SPECC1L: variants seen among roughly 807,000 people sequenced by gnomAD.
SPECC1L encodes cytospin-A.
A neutral mutation model predicts 116.8 loss-of-function variants in SPECC1L; 40 were observed. That is an observed-to-expected ratio of 0.34 (90% confidence interval 0.27 to 0.45). The LOEUF is 0.45. Among genes scored for constraint, SPECC1L ranks in the 20% least tolerant of loss-of-function variants. SPECC1L has a pLI of 1.00. For missense variants in SPECC1L, 1,110 were observed against 1,373.6 expected (o/e 0.81, Z 3.03); for synonymous variants, 504 against 500.6 (o/e 1.01, Z -0.09).
At chr22:24,329,979 CATT>C (rs1465693563) in intron 7 of SPECC1L, among the ~76,000 whole-genome samples, 5 of 152,160 alleles carry the variant, frequency 3.3e-5, no homozygotes, top group South Asian at 2.1e-4. Flanking sequence ...GGAAGCTTGA[CATT>C]ATTATCATTA....
At chr22:24,290,200 G>A (rs1482519594) in intron 2 of SPECC1L, among the ~76,000 whole-genome samples, 1 of 152,224 alleles carries the variant, frequency 6.6e-6, no homozygotes, top group African/African-American at 2.4e-5. Flanking sequence ...GGAGGGAATT[G>A]TGAGAAGAAC....
intron 5 of SPECC1L, among the ~76,000 whole-genome samples, 174 bp from the exon 6 acceptor site, chr22:24,324,046 A>C (rs2040771204): frequency 6.6e-6 from 1 of 152,226 alleles, no homozygotes; most frequent in African/African-American, 2.4e-5. Context: ...ATTAGATAAA[A>C]TCTTACCATG....
At chr22:24,356,048 G>T (rs1215988843) in intron 11 of SPECC1L, among the ~76,000 whole-genome samples, 1 of 151,930 alleles carries the variant, frequency 6.6e-6, no homozygotes, top group Non-Finnish European at 1.5e-5. Flanking sequence ...CCCTACAGTT[G>T]TACCTTTTCT....
intron 11 of SPECC1L, among the ~76,000 whole-genome samples, chr22:24,357,419 A>G (rs1304302959): frequency 6.6e-6 from 1 of 152,196 alleles, no homozygotes; most frequent in East Asian, 1.9e-4. Flanking sequence ...ATGATATATT[A>G]ATCATAGTTA....
At chr22:24,411,115 G>A (rs1427041072) in intron 14 of SPECC1L, among the ~76,000 whole-genome samples, 1 of 152,122 alleles carries the variant, frequency 6.6e-6, no homozygotes, top group East Asian at 1.9e-4. Context: ...CTTGAACCCG[G>A]GAGGTAGAGG....
intron 14 of SPECC1L, among the ~76,000 whole-genome samples, chr22:24,404,888 G>A (rs1047537009): frequency 2.6e-5 from 4 of 152,164 alleles, no homozygotes; most frequent in Non-Finnish European, 5.9e-5. Flanking sequence ...GTCCCTAGAT[G>A]TGTGGCCATG....
intron 10 of SPECC1L, among the ~76,000 whole-genome samples, chr22:24,345,143 A>G (rs950030062): frequency 6.6e-6 from 1 of 152,244 alleles, no homozygotes; most frequent in African/African-American, 2.4e-5. Context: ...ACATTAGATC[A>G]GTAGAACAGA....
rs200608677 is a variant in SPECC1L at position 24,411,538 on chromosome 22, A to C, written c.3088-50A>C. ...TCCTGCGTCCTCCTTGGCATCTCCT[A>C]AGAGGGTCCCAGCATGTGTTGGTTA... is the stretch of plus-strand genomic sequence containing the variant. On this transcript the variant is annotated intron_variant, in intron 14 of 16. Transcript: ENST00000314328. The C allele has an allele frequency of 5.9e-4, 920 of 1,546,246 alleles. 11 individuals are homozygous for C. In the South Asian group the frequency reaches 9.3e-3, roughly 16 times the overall value.
chr22:24,340,426 C>T lies in SPECC1L; in HGVS notation c.2652+1949C>T, dbSNP rs146540702. ...CCTTCCAAAGTGCTGGGATTACAGG[C>T]GTGAGCCACTGTGCGCAGCTGATTT... On this transcript the variant is annotated intron_variant, in intron 10 of 16. Coordinates refer to ENST00000314328, the MANE Select transcript of SPECC1L (RefSeq NM_015330.6). Among the ~76,000 whole-genome samples the T allele has an allele frequency of 1.4e-3, 210 of 152,262 alleles. 1 individual carries two copies. Among genetic ancestry groups the T allele is most frequent in the African/African-American group, 4.3e-3 (179 of 41,560 alleles).
intron 11 of SPECC1L, among the ~76,000 whole-genome samples, chr22:24,350,856 T>TA (rs1379784271): frequency 6.6e-6 from 1 of 152,160 alleles, no homozygotes; most frequent in Non-Finnish European, 1.5e-5. Flanking sequence ...GCCAGTACCC[T>TA]AAAGCTGTGA....
At chr22:24,288,658 C>T (rs1342450432) in intron 2 of SPECC1L, among the ~76,000 whole-genome samples, 7 of 81,508 alleles carry the variant, frequency 8.6e-5, no homozygotes, top group Non-Finnish European at 1.5e-4. Flanking sequence ...CATATCCTTG[C>T]TCTGTTGCCC....
At chr22:24,279,424 T>A (rs1180508888) in intron 2 of SPECC1L, among the ~76,000 whole-genome samples, 1 of 152,212 alleles carries the variant, frequency 6.6e-6, no homozygotes, top group East Asian at 1.9e-4. Context: ...AGACAAGGTT[T>A]CACTATTTTG....
At chr22:24,408,166 C>G (rs1289682692) in intron 14 of SPECC1L, among the ~76,000 whole-genome samples, 1 of 152,208 alleles carries the variant, frequency 6.6e-6, no homozygotes, top group Non-Finnish European at 1.5e-5. Context: ...CTCCCTGGTC[C>G]TAGTTTCCTC....
chr22:24,294,039 C>T (rs1424223041), intron 2 of SPECC1L, among the ~76,000 whole-genome samples: 1 of 28,410 alleles, frequency 3.5e-5, no homozygotes, highest in Non-Finnish European at 6.9e-5. Flanking sequence ...CGTCCTGTGT[C>T]ACATGAAGCC....
chr22:24,302,246 C>G lies in SPECC1L; in HGVS notation c.15C>G (p.Ser5Arg). The change falls in exon 3 of 17, where the codon AGC becomes AGG. Residue 5 changes from serine to arginine, a missense_variant. By Grantham distance (110) the Ser-to-Arg change is moderately radical. Around this residue, in one of 4 missense-constraint regions of SPECC1L, gnomAD observed 437 missense variants for 482.6 expected, o/e 0.91. Transcript: ENST00000314328. MKKA[S>R]RSVGSVPKVS... Reference sequence around the variant, plus strand: ...GGCAGCCCAGAATGAAGAAAGCAAGCAGGAGTGTTGGCTCAGTGCCTAAAG... The same window carrying G: ...GGCAGCCCAGAATGAAGAAAGCAAGGAGGAGTGTTGGCTCAGTGCCTAAAG... 1 of 1,614,074 alleles carries G rather than the reference C, an allele frequency of 6.2e-7. No individual in the cohort carries two copies. The highest frequency in any genetic ancestry group is 8.5e-7 in the Non-Finnish European group (1 of 1,180,006).
At position 24,347,115 on chromosome 22, in the gene SPECC1L, A is replaced by T. The variant is rs1383821344; in HGVS notation, c.2682A>T (p.Thr894=). Residue 894 remains threonine (T), a synonymous_variant, in exon 11 of 17, where the codon ACA becomes ACT. Coordinates refer to ENST00000314328, the MANE Select transcript of SPECC1L (RefSeq NM_015330.6). The stretch of plus-strand genomic sequence containing the variant: ...ATTCCATAAGTGGACCAATCTCAAC[A>T]TCCAAACCCCTGACAGCCCTGTCAG... ...QRHSISGPIS[T]SKPLTALSDK... 1 of 1,613,950 alleles carries T rather than the reference A, an allele frequency of 6.2e-7. No homozygotes were observed. The highest frequency in any genetic ancestry group is 1.3e-5 in the African/African-American group (1 of 74,930).
intron 14 of SPECC1L, among the ~76,000 whole-genome samples, chr22:24,399,913 C>G (rs1459746741): frequency 6.6e-6 from 1 of 152,180 alleles, no homozygotes; most frequent in Non-Finnish European, 1.5e-5. Context: ...TAAAGCAGAG[C>G]TGTAATAAAT....
chr22:24,295,566 C>A (rs1300477083), intron 2 of SPECC1L, among the ~76,000 whole-genome samples: 2 of 152,104 alleles, frequency 1.3e-5, no homozygotes, highest in African/African-American at 2.4e-5. Flanking sequence ...ACATATTGAT[C>A]TAGACCTGGC....
intron 14 of SPECC1L, among the ~76,000 whole-genome samples, chr22:24,379,834 A>C (rs1214867459): frequency 6.6e-6 from 1 of 152,206 alleles, no homozygotes; most frequent in Non-Finnish European, 1.5e-5. Flanking sequence ...AAGATCTGTA[A>C]GTTAACATTG....
Sources: allele counts gnomAD v4.1 joint callset (sites outside exome capture counted in the v4.1 genomes callset), GRCh38; gene constraint gnomAD v4.1.1; regional missense constraint gnomAD v4.1.1; transcripts MANE v1.5; gene names NCBI Gene and HGNC (gene_info 2026-07-23, HGNC 2026-07-21).